CADM2: variants seen among roughly 807,000 people sequenced by gnomAD.
The protein encoded by CADM2 is cell adhesion molecule 2, also known as immunoglobulin superfamily member 4D.
A neutral mutation model predicts 49.8 loss-of-function variants in CADM2; 12 were observed. The observed-to-expected ratio is 0.24, with a 90% confidence interval of 0.15 to 0.39. The LOEUF (loss-of-function observed/expected upper bound fraction) is 0.39. Among genes scored for constraint, CADM2 ranks in the 10% least tolerant of loss-of-function variants. The probability of loss-of-function intolerance (pLI) is 1.00; values close to 1 mark genes in which losing one functional copy is unlikely to be tolerated. For synonymous variants in CADM2, 214 were observed against 175.4 expected, an observed-to-expected ratio of 1.22 and a Z score of -1.74; for missense variants, 378 against 492.3, an observed-to-expected ratio of 0.77 and a Z score of 2.20.
chr3:85,665,130 G>C (rs2065526392), intron 1 of CADM2, among the ~76,000 whole-genome samples: 1 of 151,866 alleles, frequency 6.6e-6, no homozygotes, highest in Non-Finnish European at 1.5e-5. Flanking sequence ...CATATTATCT[G>C]ATATTAATTA....
At chr3:85,087,368 T>C (rs2037420083) in intron 1 of CADM2, among the ~76,000 whole-genome samples, 1 of 152,192 alleles carries the variant, frequency 6.6e-6, no homozygotes. Flanking sequence ...AACAATATTA[T>C]GTAACAGACA....
chr3:85,364,866 CTA>C (rs1491410919), intron 1 of CADM2, among the ~76,000 whole-genome samples: 3 of 61,270 alleles, frequency 4.9e-5, no homozygotes, highest in Non-Finnish European at 1.2e-4. Flanking sequence ...ATGCTTGTTC[CTA>C]CAACAACAAC....
rs111330837 is a variant in CADM2 at position 85,617,468 on chromosome 3, G to A, written c.62-109054G>A. On this transcript the variant is annotated intron_variant, in intron 1 of 9. Transcript: ENST00000383699. ...TGCAGTAGCCCACCATCTCCTGCAC[G>A]CAGATGAGTTTTGTTCATCTTCTTG... 3.9e-3 allele frequency among the ~76,000 whole-genome samples: 597 copies of A among 152,226 alleles called. 4 individuals carry two copies. Among genetic ancestry groups the A allele is most frequent in the African/African-American group, 0.013 (534 of 41,552 alleles).
intron 1 of CADM2, among the ~76,000 whole-genome samples, chr3:85,020,873 G>A (rs898106033): frequency 2.6e-5 from 4 of 151,858 alleles, no homozygotes; most frequent in Non-Finnish European, 4.4e-5. Flanking sequence ...TGTAGCACAG[G>A]AAAAATTTTA....
chr3:85,978,157 C>T (rs1304626293), intron 8 of CADM2, among the ~76,000 whole-genome samples: 1 of 151,472 alleles, frequency 6.6e-6, no homozygotes, highest in Non-Finnish European at 1.5e-5. Context: ...CATGCCTATT[C>T]ACTTTAGACA....
chr3:85,109,378 AAG>A (rs1202062321), intron 1 of CADM2, among the ~76,000 whole-genome samples: 1 of 151,918 alleles, frequency 6.6e-6, no homozygotes, highest in Non-Finnish European at 1.5e-5. Context: ...AGTGGGGAGA[AAG>A]AGAGGAGAGA....
intron 1 of CADM2, among the ~76,000 whole-genome samples, chr3:85,034,109 C>T (rs2107337695): frequency 6.6e-6 from 1 of 152,232 alleles, no homozygotes; most frequent in South Asian, 2.1e-4. Context: ...ACTTATCCTT[C>T]CTTTGTGTTA....
intron 1 of CADM2, among the ~76,000 whole-genome samples, chr3:85,659,461 GAA>G (rs140072260): frequency 6.9e-6 from 1 of 145,634 alleles, no homozygotes; most frequent in Admixed American, 6.9e-5. Flanking sequence ...TAACTAAAAG[GAA>G]AAAAAAAAGT....
At chr3:85,277,308 GAACA>G (rs1559755184) in intron 1 of CADM2, among the ~76,000 whole-genome samples, 1 of 151,300 alleles carries the variant, frequency 6.6e-6, no homozygotes, top group Non-Finnish European at 1.5e-5. Flanking sequence ...TACAAGTAGT[GAACA>G]AACAGTGAAG....
At chr3:85,965,245 A>G (rs1011993263) in intron 8 of CADM2, among the ~76,000 whole-genome samples, 2 of 149,050 alleles carry the variant, frequency 1.3e-5, no homozygotes, top group Admixed American at 6.8e-5. Context: ...ATACTAACAT[A>G]TAACTATTAT....
intron 6 of CADM2, among the ~76,000 whole-genome samples, chr3:85,930,268 C>G (rs1156825732): frequency 6.6e-6 from 1 of 151,980 alleles, no homozygotes; most frequent in African/African-American, 2.4e-5. Context: ...TTATTTGTAA[C>G]AGAGAGTGTG....
At chr3:85,507,252 C>T (rs374611103) in intron 1 of CADM2, among the ~76,000 whole-genome samples, 2 of 146,708 alleles carry the variant, frequency 1.4e-5, no homozygotes, top group East Asian at 2.0e-4. Context: ...GGTGCGATCT[C>T]GGCTTATTGC....
intron 1 of CADM2, among the ~76,000 whole-genome samples, chr3:85,668,729 T>G (rs2065649259): frequency 6.6e-6 from 1 of 152,124 alleles, no homozygotes; most frequent in Non-Finnish European, 1.5e-5. Flanking sequence ...CCATTAAACC[T>G]CTTTCTTTTG....
chr3:85,582,346 A>G (rs1183012463), intron 1 of CADM2, among the ~76,000 whole-genome samples: 1 of 152,192 alleles, frequency 6.6e-6, no homozygotes, highest in Non-Finnish European at 1.5e-5. Flanking sequence ...TGAATCAATC[A>G]ATGGAATCCA....
chr3:85,268,204 G>A (rs552108343), intron 1 of CADM2, among the ~76,000 whole-genome samples: 1 of 151,494 alleles, frequency 6.6e-6, no homozygotes, highest in Admixed American at 6.6e-5. Flanking sequence ...AGAGTAGGAT[G>A]TGTCAGCCAG....
In CADM2 at chr3:85,378,847, C is replaced by T. The variant is rs151111946; in HGVS notation, c.62-347675C>T. Among the ~76,000 whole-genome samples, 6 of 151,868 alleles carry T rather than the reference C, an allele frequency of 4.0e-5. No homozygotes were observed. The East Asian group carries it at 9.7e-4, about 25-fold the overall frequency. On this transcript the variant is annotated intron_variant, in intron 1 of 9. Coordinates refer to ENST00000383699, the MANE Select transcript of CADM2 (RefSeq NM_001167675.2). ...TAAAAAACTTATCTATGAAATGAAA[C>T]GCTACCTGTTCCCCATAAAATTATT...
At chr3:85,741,769 C>T (rs946187407) in intron 2 of CADM2, among the ~76,000 whole-genome samples, 3 of 152,208 alleles carry the variant, frequency 2.0e-5, no homozygotes, top group African/African-American at 7.2e-5. Context: ...TGTTACTCCA[C>T]CCATTTAATT....
At chr3:85,482,777 A>AAT (rs566587018) in intron 1 of CADM2, among the ~76,000 whole-genome samples, 3 of 151,692 alleles carry the variant, frequency 2.0e-5, no homozygotes, top group South Asian at 2.1e-4. Context: ...TTTCCTTGAA[A>AAT]ATATATATAT....
At chr3:85,181,574 T>C (rs1199359192) in intron 1 of CADM2, among the ~76,000 whole-genome samples, 1 of 152,086 alleles carries the variant, frequency 6.6e-6, no homozygotes, top group East Asian at 1.9e-4. Flanking sequence ...TATCACTTTT[T>C]GGAAAACTTT....
Sources: gnomAD v4.1 joint callset for allele counts (sites outside exome capture counted in the v4.1 genomes callset) on GRCh38, gnomAD v4.1.1 for gene constraint, MANE v1.5 for transcripts, NCBI Gene and HGNC (gene_info 2026-07-23, HGNC 2026-07-21) for gene names.